Variants in PREX1 observed in about 807,000 individuals in gnomAD.
The protein encoded by PREX1 is phosphatidylinositol-3,4,5-trisphosphate dependent Rac exchange factor 1.
A neutral mutation model predicts 198.3 loss-of-function variants in PREX1; 41 were observed. That is an observed-to-expected ratio of 0.21 (90% CI 0.16 to 0.27). The LOEUF (loss-of-function observed/expected upper bound fraction) is 0.27, where lower values mean the gene tolerates loss of function less well. Ranked by LOEUF, PREX1 falls within the 10% of genes least tolerant of loss-of-function variation. PREX1 has a pLI of 1.00. For missense variants in PREX1, 1,620 were observed against 2,200.7 expected (o/e 0.74, Z 5.28); for synonymous variants, 843 against 887.2 (o/e 0.95, Z 0.89).
chr20:48,796,340 T>G (rs927363565), intron 1 of PREX1, among the ~76,000 whole-genome samples: 3 of 150,894 alleles, frequency 2.0e-5, no homozygotes, highest in African/African-American at 7.3e-5. Flanking sequence ...TTCAACAGAA[T>G]TCTATACAGC....
the PREX1 span, among the ~76,000 whole-genome samples, chr20:48,848,540 A>G: frequency 2.6e-5 from 4 of 152,192 alleles, no homozygotes; most frequent in East Asian, 7.7e-4. Flanking sequence ...TACAGATGTG[A>G]GCCACCACAC....
chr20:48,713,478 T>C (rs1483050530), intron 5 of PREX1, among the ~76,000 whole-genome samples: 1 of 151,662 alleles, frequency 6.6e-6, no homozygotes, highest in Non-Finnish European at 1.5e-5. Flanking sequence ...TAGTACTGTA[T>C]AAAGATAGGC....
intron 1 of PREX1, among the ~76,000 whole-genome samples, chr20:48,809,929 G>C (rs1005826255): frequency 7.9e-5 from 12 of 152,148 alleles, no homozygotes; most frequent in Non-Finnish European, 1.3e-4. Context: ...GGAAGTCTGG[G>C]AAACAGATTC....
intron 5 of PREX1, among the ~76,000 whole-genome samples, chr20:48,720,389 C>T (rs935730482): frequency 1.3e-5 from 2 of 152,148 alleles, no homozygotes; most frequent in Non-Finnish European, 2.9e-5. Context: ...GTTTTGTTCA[C>T]TTTGTACCTC....
At chr20:48,664,570 C>T (rs1261139912) in intron 15 of PREX1, among the ~76,000 whole-genome samples, 4 of 152,184 alleles carry the variant, frequency 2.6e-5, no homozygotes, top group Admixed American at 1.3e-4. Flanking sequence ...GAGGAATGTT[C>T]TAGAAACAGG....
intron 1 of PREX1, among the ~76,000 whole-genome samples, chr20:48,775,243 G>T (rs149794613): frequency 6.6e-6 from 1 of 152,188 alleles, no homozygotes; most frequent in East Asian, 1.9e-4. Flanking sequence ...ATTCTACAGG[G>T]GTGGAGCTGG....
At chr20:48,628,764 G>C (rs1296681331) in intron 37 of PREX1, among the ~76,000 whole-genome samples, 2 of 152,224 alleles carry the variant, frequency 1.3e-5, no homozygotes, top group Non-Finnish European at 2.9e-5. Flanking sequence ...CAATGACCTA[G>C]GAGGCAGAGA....
chr20:48,828,180 G>GGACGC (rs2090520385), upstream of PREX1, among the ~76,000 whole-genome samples: 1 of 150,920 alleles, frequency 6.6e-6, no homozygotes, highest in African/African-American at 2.4e-5. Context: ...GGGCCCCTGG[G>GGACGC]GACGCGGCGC....
At chr20:48,647,108 T>C (rs1016792974) in intron 25 of PREX1, among the ~76,000 whole-genome samples, 12 of 152,206 alleles carry the variant, frequency 7.9e-5, no homozygotes, top group Admixed American at 7.9e-4. Flanking sequence ...CATGTGCCTG[T>C]AGTCCTAGTC....
intron 5 of PREX1, among the ~76,000 whole-genome samples, chr20:48,723,845 C>T (rs781730672): frequency 2.0e-5 from 3 of 152,118 alleles, no homozygotes; most frequent in South Asian, 2.1e-4. Context: ...TAGAGTCCAC[C>T]GTACACACAG....
At chr20:48,647,214 T>C (rs2089458162) in intron 25 of PREX1, among the ~76,000 whole-genome samples, 3 of 150,816 alleles carry the variant, frequency 2.0e-5, no homozygotes, top group African/African-American at 2.4e-5. Context: ...TGGTGACAGT[T>C]GGATAAAGTG....
At chr20:48,708,475 G>A in intron 5 of PREX1, 54 bp from the exon 6 acceptor site, 1 of 1,585,532 alleles carries the variant, frequency 6.3e-7, no homozygotes, top group Non-Finnish European at 8.6e-7. Flanking sequence ...CAATCCAGAG[G>A]AGACCCAGGC....
At chr20:48,735,597 A>G (rs763488355) in intron 3 of PREX1, among the ~76,000 whole-genome samples, 1 of 151,792 alleles carries the variant, frequency 6.6e-6, no homozygotes, top group Non-Finnish European at 1.5e-5. Context: ...TACCCAGCAC[A>G]TAGTACAGGC....
chr20:48,709,359 A>G (rs2089919902), intron 5 of PREX1, among the ~76,000 whole-genome samples: 1 of 152,160 alleles, frequency 6.6e-6, no homozygotes, highest in Non-Finnish European at 1.5e-5. Context: ...ATCCCCGCAG[A>G]TGTGACACTC....
chr20:48,848,248 CT>C, the PREX1 span, among the ~76,000 whole-genome samples: 961 of 140,330 alleles, frequency 6.8e-3, 6 homozygotes, highest in African/African-American at 0.016. Context: ...TACATTTTTT[CT>C]TTTTTTTTTT....
intron 3 of PREX1, among the ~76,000 whole-genome samples, chr20:48,741,703 G>A (rs1055243442): frequency 8.5e-5 from 13 of 152,168 alleles, no homozygotes; most frequent in Non-Finnish European, 1.8e-4. Context: ...GGAGGGGCGC[G>A]GAAGGGCAGG....
At chr20:48,770,236 C>G (rs1186312577) in intron 1 of PREX1, among the ~76,000 whole-genome samples, 2 of 152,104 alleles carry the variant, frequency 1.3e-5, no homozygotes, top group Non-Finnish European at 2.9e-5. Context: ...GGAGGTATAC[C>G]AGGAAATGAC....
intron 2 of PREX1, among the ~76,000 whole-genome samples, chr20:48,745,415 G>C (rs550079765): frequency 6.6e-6 from 1 of 152,350 alleles, no homozygotes; most frequent in South Asian, 2.1e-4. Flanking sequence ...AAATCTGTGA[G>C]ATAGAAACTA....
intron 1 of PREX1, among the ~76,000 whole-genome samples, chr20:48,792,817 TACACACAC>T (rs372512250): frequency 3.3e-4 from 37 of 113,544 alleles, no homozygotes; most frequent in East Asian, 7.2e-4. Context: ...AAAAAAAAAA[TACACACAC>T]ACACACACAC....
Sources: allele counts gnomAD v4.1 joint callset (sites outside exome capture counted in the v4.1 genomes callset), GRCh38; gene constraint gnomAD v4.1.1; transcripts MANE v1.5; gene names NCBI Gene and HGNC (gene_info 2026-07-23, HGNC 2026-07-21).